TOP2B: variants seen among roughly 807,000 people sequenced by gnomAD.
The protein encoded by TOP2B is DNA topoisomerase 2-beta.
A neutral mutation model predicts 193.5 loss-of-function variants in TOP2B; 51 were observed. The ratio of observed to expected loss-of-function variants is 0.26; its 90% CI spans 0.21 to 0.33. The LOEUF (loss-of-function observed/expected upper bound fraction) is 0.33. Ranked by LOEUF, TOP2B falls within the 10% of genes least tolerant of loss-of-function variation. The pLI, the probability that TOP2B is intolerant of heterozygous loss-of-function variation, is 1.00. For missense variants in TOP2B, 1,378 were observed against 1,909.3 expected (o/e 0.72, Z 5.19); for synonymous variants, 634 against 635.7 (o/e 1.00, Z 0.04).
intron 18 of TOP2B, among the ~76,000 whole-genome samples, chr3:25,625,380 G>C (rs1046972423): frequency 6.6e-6 from 1 of 152,086 alleles, no homozygotes; most frequent in Non-Finnish European, 1.5e-5. Context: ...TCTTAATATA[G>C]TTTTCATAAG....
intron 7 of TOP2B, 109 bp downstream of exon 7, chr3:25,635,827 T>C: frequency 1.2e-6 from 1 of 823,818 alleles, no homozygotes; most frequent in South Asian, 1.9e-5. Context: ...GTGAATCATC[T>C]GAACACACCA....
chr3:25,599,379 T>C, intron 35 of TOP2B, 56 bp downstream of exon 35: 1 of 1,545,900 alleles, frequency 6.5e-7, no homozygotes, highest in Non-Finnish European at 8.8e-7. Context: ...ACTAAGTCAC[T>C]TACAGATCTT....
In TOP2B at chr3:25,615,605, T is replaced by G; in HGVS notation, c.3352-19A>C. On this transcript the variant is annotated intron_variant, in intron 25 of 35. Transcript: ENST00000264331. ...CTGCTGCCTGTAAAAAATAACAAAC[T>G]GTATATTAAAGTCTTGTATAGTATC... The G allele has an allele frequency of 6.6e-7, 1 of 1,504,886 alleles. No homozygotes were observed. Among genetic ancestry groups the G allele is most frequent in the Non-Finnish European group, 8.8e-7 (1 of 1,130,046 alleles). 93.2% of individuals were successfully genotyped at this position (1,504,886 alleles called of 1,614,324 possible). A position where few individuals can be genotyped will look rare whatever the true frequency, so the allele number is the denominator to read the frequency against.
intron 1 of TOP2B, 41 bp downstream of exon 1, chr3:25,664,188 C>T (rs1408676871): frequency 3.9e-6 from 6 of 1,537,686 alleles, no homozygotes; most frequent in Non-Finnish European, 8.7e-7. Context: ...GCCGCGGGCC[C>T]GGAACAATGC....
chr3:25,635,603 C>T (rs1240556450), intron 7 of TOP2B, among the ~76,000 whole-genome samples: 1 of 151,494 alleles, frequency 6.6e-6, no homozygotes, highest in African/African-American at 2.4e-5. Flanking sequence ...AAACTTGATG[C>T]AGAGACTGCA....
chr3:25,645,739 T>C (rs1356085210), intron 1 of TOP2B, among the ~76,000 whole-genome samples: 5 of 152,026 alleles, frequency 3.3e-5, no homozygotes, highest in Admixed American at 6.5e-5. Context: ...CATTTCCCAA[T>C]TCTGTAAGAT....
intron 5 of TOP2B, 26 bp from the exon 6 acceptor site, chr3:25,637,338 G>C: frequency 2.0e-6 from 3 of 1,499,482 alleles, no homozygotes; most frequent in Non-Finnish European, 2.7e-6. Context: ...AATGTAAAAG[G>C]TTTAGTAAAA....
intron 15 of TOP2B, among the ~76,000 whole-genome samples, chr3:25,627,596 T>C (rs1364277264): frequency 2.6e-5 from 4 of 152,108 alleles, no homozygotes; most frequent in African/African-American, 9.7e-5. Flanking sequence ...ATATTAAATG[T>C]AACTAGAGGA....
chr3:25,642,498 A>T, intron 3 of TOP2B, 113 bp from the exon 4 acceptor site: 1 of 516,936 alleles, frequency 1.9e-6, no homozygotes, highest in Non-Finnish European at 3.3e-6. Context: ...GGTAATAGTT[A>T]ATGAAAATAA....
chr3:25,659,402 G>T (rs1703844082), intron 1 of TOP2B, among the ~76,000 whole-genome samples: 1 of 152,204 alleles, frequency 6.6e-6, no homozygotes, highest in Admixed American at 6.5e-5. Flanking sequence ...TAAAGGGAAT[G>T]AAAATACTTA....
At chr3:25,658,667 A>G (rs548789742) in intron 1 of TOP2B, among the ~76,000 whole-genome samples, 1 of 152,332 alleles carries the variant, frequency 6.6e-6, no homozygotes, top group East Asian at 1.9e-4. Context: ...TATTTTAAAT[A>G]TTAACCTATC....
chr3:25,609,733 C>G, intron 28 of TOP2B, 21 bp from the exon 29 acceptor site: 2 of 1,418,158 alleles, frequency 1.4e-6, no homozygotes, highest in Admixed American at 3.4e-5. Context: ...AAAAGAAAAT[C>G]AAGCCACGAG....
intron 1 of TOP2B, among the ~76,000 whole-genome samples, chr3:25,663,628 ATC>A (rs1703985194): frequency 6.6e-6 from 1 of 152,062 alleles, no homozygotes; most frequent in South Asian, 2.1e-4. Context: ...TCTTTTAATA[ATC>A]TCACCCTGAC....
At chr3:25,608,386 T>C (rs1472481493) in intron 30 of TOP2B, among the ~76,000 whole-genome samples, 2 of 152,236 alleles carry the variant, frequency 1.3e-5, no homozygotes. Flanking sequence ...AAATACAATT[T>C]TAAAGCATTT....
At chr3:25,632,066 C>T (rs1051473705) in intron 10 of TOP2B, among the ~76,000 whole-genome samples, 14 of 151,976 alleles carry the variant, frequency 9.2e-5, no homozygotes, top group Admixed American at 3.3e-4. Context: ...TTTTGTTATA[C>T]ATGTTACCAC....
intron 32 of TOP2B, among the ~76,000 whole-genome samples, chr3:25,605,699 G>A (rs750628172): frequency 6.6e-6 from 1 of 151,962 alleles, no homozygotes; most frequent in African/African-American, 2.4e-5. Context: ...GAAAACTGTC[G>A]TATATACATT....
chr3:25,656,554 G>A (rs1276440913), intron 1 of TOP2B, among the ~76,000 whole-genome samples: 1 of 152,068 alleles, frequency 6.6e-6, no homozygotes, highest in Non-Finnish European at 1.5e-5. Context: ...AATAATTGGT[G>A]TTAATCTTTT....
chr3:25,599,202 G>GT (rs1702020983), intron 35 of TOP2B, among the ~76,000 whole-genome samples: 1 of 152,152 alleles, frequency 6.6e-6, no homozygotes, highest in South Asian at 2.1e-4. Context: ...CTACAGTTCA[G>GT]TGGATGAAAT....
chr3:25,619,775 T>C (rs906698509), intron 23 of TOP2B, 87 bp downstream of exon 23: 2 of 864,150 alleles, frequency 2.3e-6, no homozygotes, highest in South Asian at 1.7e-5. Flanking sequence ...AGGCTTACTA[T>C]AGCCACTCCC....
Sources: gnomAD v4.1 joint callset for allele counts (sites outside exome capture counted in the v4.1 genomes callset) on GRCh38, gnomAD v4.1.1 for gene constraint, MANE v1.5 for transcripts, NCBI Gene and HGNC (gene_info 2026-07-23, HGNC 2026-07-21) for gene names.